Variants in SYNPR observed in about 807,000 individuals in gnomAD.
SYNPR encodes synaptoporin.
A neutral mutation model predicts 32.9 loss-of-function variants in SYNPR; 23 were observed. That is an observed-to-expected ratio of 0.70 (90% CI 0.50 to 0.99). The LOEUF is 0.99. SYNPR is among the 50% of genes least tolerant of loss of function. SYNPR has a pLI of 0.00. For missense variants in SYNPR, 318 were observed against 349.3 expected (o/e 0.91, Z 0.71); for synonymous variants, 146 against 135.9 (o/e 1.07, Z -0.52).
At chr3:63,416,822 A>C (rs2088548327) in intron 2 of SYNPR, among the ~76,000 whole-genome samples, 2 of 152,096 alleles carry the variant, frequency 1.3e-5, no homozygotes, top group Admixed American at 6.5e-5. Context: ...ATTCACTATC[A>C]CAAGAACAGC....
chr3:63,340,422 T>C (rs1296013808), intron 2 of SYNPR, among the ~76,000 whole-genome samples: 1 of 147,026 alleles, frequency 6.8e-6, no homozygotes, highest in Non-Finnish European at 1.5e-5. Flanking sequence ...AAAATGTATT[T>C]TTTTTTTTTT....
At chr3:63,481,699 A>G (rs1290045728) in intron 3 of SYNPR, among the ~76,000 whole-genome samples, 1 of 152,156 alleles carries the variant, frequency 6.6e-6, no homozygotes, top group African/African-American at 2.4e-5. Context: ...AATTTAGTAC[A>G]AAGTGCTGTG....
chr3:63,238,182 C>T (rs1042322716), intron 1 of SYNPR, among the ~76,000 whole-genome samples: 1 of 152,120 alleles, frequency 6.6e-6, no homozygotes, highest in Non-Finnish European at 1.5e-5. Flanking sequence ...CTCCTGCTTA[C>T]TATCTCTCAG....
intron 2 of SYNPR, among the ~76,000 whole-genome samples, chr3:63,346,354 T>A (rs2087437061): frequency 6.6e-6 from 1 of 152,194 alleles, no homozygotes; most frequent in South Asian, 2.1e-4. Flanking sequence ...ACTGTTGAAG[T>A]ATGCGCTGTT....
At chr3:63,265,719 G>A (rs2086480367) in intron 2 of SYNPR, among the ~76,000 whole-genome samples, 1 of 152,154 alleles carries the variant, frequency 6.6e-6, no homozygotes, top group Non-Finnish European at 1.5e-5. Context: ...ACACTAGAAT[G>A]TAGGAAGCAG....
chr3:63,592,151 T>C (rs1414089062), intron 4 of SYNPR, among the ~76,000 whole-genome samples: 1 of 152,040 alleles, frequency 6.6e-6, no homozygotes, highest in East Asian at 1.9e-4. Context: ...GGTGCATCTA[T>C]AAACCAAGCC....
chr3:63,503,923 G>A (rs1043985282), intron 3 of SYNPR, among the ~76,000 whole-genome samples: 3 of 152,034 alleles, frequency 2.0e-5, no homozygotes, highest in Non-Finnish European at 2.9e-5. Flanking sequence ...ATTGCCTTTA[G>A]TAATGCCATT....
At chr3:63,494,448 C>CACAT (rs1701325564) in intron 3 of SYNPR, among the ~76,000 whole-genome samples, 1 of 89,420 alleles carries the variant, frequency 1.1e-5, no homozygotes, top group South Asian at 3.5e-4. Flanking sequence ...TATATATATA[C>CACAT]ACATATATAT....
chr3:63,471,644 T>A (rs768254985), intron 2 of SYNPR, among the ~76,000 whole-genome samples: 2 of 152,240 alleles, frequency 1.3e-5, no homozygotes, highest in Non-Finnish European at 2.9e-5. Flanking sequence ...ACAAAACCTT[T>A]CTGCGCTGGA....
At chr3:63,332,881 T>C (rs1157139190) in intron 2 of SYNPR, among the ~76,000 whole-genome samples, 1 of 152,148 alleles carries the variant, frequency 6.6e-6, no homozygotes, top group Non-Finnish European at 1.5e-5. Flanking sequence ...GCCTGGTCCC[T>C]TGGTTTGGAG....
chr3:63,241,173 G>A (rs17067924), intron 1 of SYNPR, among the ~76,000 whole-genome samples: 2,408 of 152,206 alleles, frequency 0.016, 64 homozygotes, highest in African/African-American at 0.055. Context: ...AGGAGCTTGC[G>A]TTGGAAAGGT....
intron 2 of SYNPR, among the ~76,000 whole-genome samples, chr3:63,289,923 G>C (rs187954848): frequency 9.9e-5 from 15 of 152,164 alleles, no homozygotes; most frequent in Middle Eastern, 3.4e-3. Flanking sequence ...AAGGTCAAGA[G>C]ATCGAGACCA....
chr3:63,512,098 T>C (rs549974638), intron 3 of SYNPR, among the ~76,000 whole-genome samples: 1 of 152,182 alleles, frequency 6.6e-6, no homozygotes, highest in South Asian at 2.1e-4. Flanking sequence ...ATAAACACAA[T>C]TCAAAATTTT....
chr3:63,356,436 C>G (rs1227081581), intron 2 of SYNPR, among the ~76,000 whole-genome samples: 1 of 152,230 alleles, frequency 6.6e-6, no homozygotes. Context: ...TTCACAAATT[C>G]TATCTTAGTT....
At chr3:63,249,202 C>T (rs576108898) in intron 1 of SYNPR, among the ~76,000 whole-genome samples, 27 of 152,122 alleles carry the variant, frequency 1.8e-4, no homozygotes, top group African/African-American at 6.3e-4. Flanking sequence ...TTCAATCACT[C>T]GTATAACTAA....
At chr3:63,607,233 T>C (rs1700137465) in intron 4 of SYNPR, among the ~76,000 whole-genome samples, 1 of 152,204 alleles carries the variant, frequency 6.6e-6, no homozygotes, top group Non-Finnish European at 1.5e-5. Context: ...CATTTTTTAA[T>C]CCTCTGTAAG....
chr3:63,504,842 CT>C (rs2106742770), intron 3 of SYNPR, among the ~76,000 whole-genome samples: 1 of 152,110 alleles, frequency 6.6e-6, no homozygotes, highest in Admixed American at 6.6e-5. Flanking sequence ...AAATGTCAGA[CT>C]TATTACCCTT....
intron 2 of SYNPR, among the ~76,000 whole-genome samples, chr3:63,447,257 G>A (rs1700294703): frequency 6.6e-6 from 1 of 152,112 alleles, no homozygotes; most frequent in Non-Finnish European, 1.5e-5. Flanking sequence ...AGTTTATAAA[G>A]TATATCATAT....
At chr3:63,238,850 G>A (rs777454876) in intron 1 of SYNPR, among the ~76,000 whole-genome samples, 6 of 152,108 alleles carry the variant, frequency 3.9e-5, no homozygotes, top group Non-Finnish European at 7.4e-5. Context: ...TGGTAGTAGG[G>A]TAATTCGGTA....
Sources: allele counts gnomAD v4.1 joint callset (sites outside exome capture counted in the v4.1 genomes callset), GRCh38; gene constraint gnomAD v4.1.1; transcripts MANE v1.5; gene names NCBI Gene and HGNC (gene_info 2026-07-23, HGNC 2026-07-21).